SLX4IP: variants seen among roughly 807,000 people sequenced by gnomAD.
SLX4IP encodes SLX4 interacting protein.
Under a neutral mutation model 32.9 loss-of-function variants are expected in SLX4IP, and 34 were observed. The ratio of observed to expected loss-of-function variants is 1.03; its 90% CI spans 0.79 to 1.38. The LOEUF (loss-of-function observed/expected upper bound fraction) is 1.38, where lower values mean the gene tolerates loss of function less well. SLX4IP is among the 40% of genes most tolerant of loss of function. The pLI, the probability that SLX4IP is intolerant of heterozygous loss-of-function variation, is 0.00. For missense variants in SLX4IP, 444 were observed against 479.0 expected (o/e 0.93, Z 0.68); for synonymous variants, 172 against 171.7 (o/e 1.00, Z -0.01).
At chr20:10,463,771 T>A (rs537152543) in intron 2 of SLX4IP, among the ~76,000 whole-genome samples, 2 of 152,192 alleles carry the variant, frequency 1.3e-5, no homozygotes, top group African/African-American at 2.4e-5. Flanking sequence ...GTATACTACG[T>A]GGCTCAACTT....
chr20:10,577,037 G>A (rs1909836666), intron 4 of SLX4IP, among the ~76,000 whole-genome samples: 1 of 152,142 alleles, frequency 6.6e-6, no homozygotes, highest in African/African-American at 2.4e-5. Context: ...CCTCTGCGGG[G>A]AAGAAATTCT....
Position 10,622,769 on chromosome 20 carries a change from A to G in SLX4IP, c.617A>G (p.Asn206Ser), listed in dbSNP as rs2067126801. Reference protein sequence around the residue: ...SVIAEIARRRNDGQASSSPPS... With the variant: ...SVIAEIARRRSDGQASSSPPS... ...ATTGCAGAGATAGCAAGGAGGAGGA[A>G]TGATGGTCAGGCTTCCTCCAGTCCC... The change falls in exon 8 of 8, where the codon AAT becomes AGT. Residue 206 changes from asparagine to serine, a missense_variant. Transcript: ENST00000334534. 6.2e-7 allele frequency: 1 copy of G among 1,614,070 alleles called. No individual in the cohort carries two copies. The highest frequency in any genetic ancestry group is 8.5e-7 in the Non-Finnish European group (1 of 1,180,034).
intron 1 of SLX4IP, among the ~76,000 whole-genome samples, chr20:10,438,463 GGT>G: frequency 6.7e-6 from 1 of 149,920 alleles, no homozygotes; most frequent in African/African-American, 2.5e-5. Context: ...GCATTTCCTA[GGT>G]GTGTGTGTTT....
In SLX4IP at chr20:10,567,145, C is replaced by G. The variant is rs944767607; in HGVS notation, c.238+6325C>G. On this transcript the variant is annotated intron_variant, in intron 4 of 7. Coordinates refer to ENST00000334534, the MANE Select transcript of SLX4IP (RefSeq NM_001009608.3). ...CCTCCATGGCCACATTGCTTATGAGCCCTTTGAGCAGGTACTTTGGCAGCT... is the reference window on the plus strand; with the variant it reads ...CCTCCATGGCCACATTGCTTATGAGGCCTTTGAGCAGGTACTTTGGCAGCT... Among the ~76,000 whole-genome samples the G allele has an allele frequency of 2.0e-5, 3 of 152,140 alleles. No homozygotes were observed. In the East Asian group the frequency reaches 5.8e-4, roughly 29 times the overall value.
Position 10,601,737 on chromosome 20 carries a change from G to A in SLX4IP, c.323G>A (p.Cys108Tyr), listed in dbSNP as rs2066844168. ...TTTTCTTCATTTTATACAGAACTCTGTGTATTCCCTGACAGATTTGTGGTT... is the reference window on the plus strand; with the variant it reads ...TTTTCTTCATTTTATACAGAACTCTATGTATTCCCTGACAGATTTGTGGTT... The part of the protein sequence containing the change: ...CIRSTQNAEL[C>Y]VFPDRFVVCV... The change falls in exon 6 of 8, where the codon TGT becomes TAT. Residue 108 changes from cysteine to tyrosine, a missense_variant. Physicochemically the swap from Cys to Tyr is radical, Grantham distance 194. Coordinates refer to ENST00000334534, the MANE Select transcript of SLX4IP (RefSeq NM_001009608.3). 3 of 1,613,582 alleles carry A rather than the reference G, an allele frequency of 1.9e-6. No homozygotes were observed. Among genetic ancestry groups the A allele is most frequent in the South Asian group, 2.2e-5 (2 of 91,066 alleles).
At chr20:10,560,884 C>G in intron 4 of SLX4IP, 64 bp downstream of exon 4, 1 of 1,419,672 alleles carries the variant, frequency 7.0e-7, no homozygotes, top group Non-Finnish European at 9.4e-7. Context: ...GTAGAGATGG[C>G]AATTATGTTT....
chr20:10,464,122 A>G (rs866714519), intron 2 of SLX4IP, among the ~76,000 whole-genome samples: 3 of 152,336 alleles, frequency 2.0e-5, no homozygotes, highest in Middle Eastern at 3.4e-3. Flanking sequence ...GTGGTTGCCC[A>G]TGGTGAGTGA....
At chr20:10,564,085 A>T (rs1008219551) in intron 4 of SLX4IP, among the ~76,000 whole-genome samples, 3 of 152,166 alleles carry the variant, frequency 2.0e-5, no homozygotes, top group African/African-American at 7.2e-5. Context: ...ATTTTGTTCT[A>T]GGCTGTGTAG....
At chr20:10,437,640 C>T (rs1470770210) in intron 1 of SLX4IP, among the ~76,000 whole-genome samples, 2 of 152,210 alleles carry the variant, frequency 1.3e-5, no homozygotes, top group African/African-American at 4.8e-5. Flanking sequence ...AGCCTTTCTG[C>T]TTCTCCTCCC....
intron 2 of SLX4IP, among the ~76,000 whole-genome samples, chr20:10,479,642 C>CCG (rs74321025): frequency 1 from 151,238 of 151,308 alleles, 75,584 homozygotes; most frequent in Middle Eastern, 1. Context: ...AGCCACGTCC[C>CCG]GGCTCGAATT....
chr20:10,573,623 A>G (rs928396840), intron 4 of SLX4IP, among the ~76,000 whole-genome samples: 1 of 152,220 alleles, frequency 6.6e-6, no homozygotes, highest in East Asian at 1.9e-4. Flanking sequence ...ATAGTCACTC[A>G]TGTGGTTTTA....
At chr20:10,592,737 C>T (rs2066725785) in intron 4 of SLX4IP, among the ~76,000 whole-genome samples, 1 of 134,784 alleles carries the variant, frequency 7.4e-6, no homozygotes, top group Admixed American at 8.8e-5. Context: ...TGGGTTCAAA[C>T]GATTCTCTTG....
At chr20:10,575,363 C>T (rs942383903) in intron 4 of SLX4IP, among the ~76,000 whole-genome samples, 6 of 152,002 alleles carry the variant, frequency 3.9e-5, no homozygotes, top group Non-Finnish European at 5.9e-5. Flanking sequence ...ATTGTCTGAA[C>T]GGTTTAGCTG....
chr20:10,469,168 C>A (rs1233150823), intron 2 of SLX4IP, among the ~76,000 whole-genome samples: 2 of 152,328 alleles, frequency 1.3e-5, no homozygotes, highest in Admixed American at 6.5e-5. Flanking sequence ...CAGTACCCCC[C>A]ACTTTCCTTG....
chr20:10,626,009 C>CCT lies in SLX4IP; in HGVS notation c.*2630_*2631insCT. On this transcript the variant is annotated 3_prime_UTR_variant, in exon 8 of 8. Coordinates refer to ENST00000334534, the MANE Select transcript of SLX4IP (RefSeq NM_001009608.3). ...TGGGAATGGTATGTGTTTTGACATT[C>CCT]TTTTTTTTTTTTTTTTTTTTTTTGA... 1 of 81,200 alleles carries CCT rather than the reference C, an allele frequency of 1.2e-5. No homozygotes were observed. The highest frequency in any genetic ancestry group is 4.5e-5 in the African/African-American group (1 of 22,094). The allele number at this position is 81,200 out of a possible 1,614,324, so 5.0% of individuals were successfully genotyped here.
At position 10,623,345 on chromosome 20, in the gene SLX4IP, C is replaced by A. The variant is rs931918238; in HGVS notation, c.1193C>A (p.Thr398Asn). ...ERLSTIQNSP[T>N]KKRKKYERGH is the part of the protein sequence containing the mutation. ...TTATCTACAATTCAGAACAGCCCAA[C>A]CAAGAAAAGAAAGAAATACGAAAGA... Residue 398 changes from threonine to asparagine, a missense_variant, in exon 8 of 8, where the codon ACC becomes AAC. Physicochemically the swap from Thr to Asn is moderately conservative, Grantham distance 65. Transcript: ENST00000334534. The A allele has an allele frequency of 6.2e-7, 1 of 1,611,936 alleles. No individual in the cohort carries two copies. Among genetic ancestry groups the A allele is most frequent in the Non-Finnish European group, 8.5e-7 (1 of 1,179,302 alleles).
intron 2 of SLX4IP, among the ~76,000 whole-genome samples, chr20:10,548,778 C>T (rs2066190053): frequency 6.6e-6 from 1 of 152,130 alleles, no homozygotes; most frequent in Non-Finnish European, 1.5e-5. Context: ...TGAGTTGTCA[C>T]GAGAATTAAA....
In SLX4IP at chr20:10,472,222, C is replaced by T. The variant is rs540026067; in HGVS notation, c.27+13991C>T. On this transcript the variant is annotated intron_variant, in intron 2 of 7. Transcript: ENST00000334534. ...AAGGGCCTGTCAAACTCTACATTTC[C>T]GTAATACTATACTTTTTTTTTTTTT... Among the ~76,000 whole-genome samples, 168 of 144,976 alleles carry T rather than the reference C, an allele frequency of 1.2e-3. 1 individual carries two copies. Among genetic ancestry groups the T allele is most frequent in the Non-Finnish European group, 2.0e-3 (133 of 67,246 alleles).
intron 2 of SLX4IP, among the ~76,000 whole-genome samples, chr20:10,477,043 T>A (rs1816946485): frequency 6.6e-6 from 1 of 152,238 alleles, no homozygotes; most frequent in African/African-American, 2.4e-5. Flanking sequence ...ATTCGAAGTT[T>A]AAGAGGTCTT....
Sources: allele counts gnomAD v4.1 joint callset (sites outside exome capture counted in the v4.1 genomes callset), GRCh38; gene constraint gnomAD v4.1.1; transcripts MANE v1.5; gene names NCBI Gene and HGNC (gene_info 2026-07-23, HGNC 2026-07-21).